Variants in ADNP2 observed in about 807,000 individuals in gnomAD.
ADNP2 encodes the protein ADNP homeobox 2.
ADNP2 carries 8 observed loss-of-function variants against 16.4 expected under a neutral mutation model. The ratio of observed to expected loss-of-function variants is 0.49; its 90% CI spans 0.29 to 0.88. The LOEUF (loss-of-function observed/expected upper bound fraction) is 0.88, where lower values mean the gene tolerates loss of function less well. ADNP2 is among the 40% of genes least tolerant of loss of function. ADNP2 has a pLI of 0.09. For missense variants in ADNP2, 1,397 were observed against 1,395.1 expected (o/e 1.00, Z -0.02); for synonymous variants, 637 against 545.8 (o/e 1.17, Z -2.33).
Position 80,139,918 on chromosome 18 carries a change from A to G in ADNP2, c.*1109A>G, listed in dbSNP as rs2145221763. The G allele has an allele frequency of 6.6e-6, 1 of 152,290 alleles. No individual in the cohort carries two copies. Among genetic ancestry groups the G allele is most frequent in the South Asian group, 2.1e-4 (1 of 4,820 alleles). The allele number at this position is 152,290 out of a possible 1,614,324, so 9.4% of individuals were successfully genotyped here. A position where few individuals can be genotyped will look rare whatever the true frequency, so the allele number is the denominator to read the frequency against. Reference sequence around the variant, plus strand: ...TAGGCTGGAAGCTGTGTCCGGGTCGATGGGATGGCATATTGTTAAAGAATC... The same window carrying G: ...TAGGCTGGAAGCTGTGTCCGGGTCGGTGGGATGGCATATTGTTAAAGAATC... On this transcript the variant is annotated 3_prime_UTR_variant, in exon 4 of 4. Transcript: ENST00000262198.
chr18:80,110,240 C>T (rs1000733305), intron 1 of ADNP2, among the ~76,000 whole-genome samples: 2 of 152,174 alleles, frequency 1.3e-5, no homozygotes, highest in Admixed American at 6.5e-5. Flanking sequence ...CTACAGTTGA[C>T]TTTGGAATGT....
At chr18:80,120,702 G>A (rs1290308569) in intron 2 of ADNP2, among the ~76,000 whole-genome samples, 1 of 151,958 alleles carries the variant, frequency 6.6e-6, no homozygotes, top group Non-Finnish European at 1.5e-5. Flanking sequence ...TCACCAGGCT[G>A]GAGTGCAGTG....
chr18:80,126,488 T>TA (rs952898363), intron 2 of ADNP2, among the ~76,000 whole-genome samples: 15 of 152,156 alleles, frequency 9.9e-5, no homozygotes, highest in African/African-American at 3.4e-4. Context: ...ACTTTCTCTC[T>TA]AAAAAAAAGT....
intron 2 of ADNP2, among the ~76,000 whole-genome samples, chr18:80,121,972 A>G (rs2052428200): frequency 6.6e-6 from 1 of 151,876 alleles, no homozygotes; most frequent in Admixed American, 6.6e-5. Flanking sequence ...GTTGGAGTGC[A>G]GTGACATGAT....
chr18:80,134,386 AGTGTGTGTGTGTGT>A (rs34515123), intron 3 of ADNP2, among the ~76,000 whole-genome samples: 4 of 146,222 alleles, frequency 2.7e-5, no homozygotes, highest in African/African-American at 7.6e-5. Context: ...AGAATGGAAG[AGTGTGTGTGTGTGT>A]GTGTGTGTGT....
intron 1 of ADNP2, 118 bp downstream of exon 1, chr18:80,109,590 C>G (rs2052343312): frequency 6.7e-6 from 1 of 148,790 alleles, no homozygotes; most frequent in Non-Finnish European, 1.5e-5. Flanking sequence ...AGCCCACACC[C>G]ACGCCCGCCG....
At chr18:80,132,368 T>C (rs1290654935) in intron 2 of ADNP2, among the ~76,000 whole-genome samples, 3 of 152,176 alleles carry the variant, frequency 2.0e-5, no homozygotes, top group Non-Finnish European at 4.4e-5. Flanking sequence ...GTCACTGTTC[T>C]CTAAACAAGG....
At position 80,135,134 on chromosome 18, in the gene ADNP2, G is replaced by C. The variant is rs888208545; in HGVS notation, c.199-478G>C. On this transcript the variant is annotated intron_variant, in intron 3 of 3. Coordinates refer to ENST00000262198, the MANE Select transcript of ADNP2 (RefSeq NM_014913.4). ...TACAGGACTAAGTAATTATATTTGT[G>C]GTTTTAGTGGATGACTTAGAACAGG... Among the ~76,000 whole-genome samples the C allele has an allele frequency of 9.2e-5, 14 of 152,274 alleles. No individual in the cohort carries two copies. The South Asian group carries it at 2.3e-3, about 25-fold the overall frequency.
chr18:80,129,671 T>G (rs916532021), intron 2 of ADNP2, among the ~76,000 whole-genome samples: 1 of 152,228 alleles, frequency 6.6e-6, no homozygotes, highest in African/African-American at 2.4e-5. Flanking sequence ...AGAATATATA[T>G]GATGTTCTAT....
Position 80,137,436 on chromosome 18 carries a change from C to G in ADNP2, c.2023C>G (p.Gln675Glu), listed in dbSNP as rs1568416470. ...GAATGCTGCTCAGAGCGTGTTTGTT[C>G]AGGCCTCCTCCTCTGCAGCAGACAC... ...LVNAAQSVFV[Q>E]ASSSAADTNQ... Residue 675 changes from glutamine to glutamate, a missense_variant, in exon 4 of 4, where the codon CAG (glutamine) becomes GAG (glutamate). Gln to Glu is a conservative substitution (Grantham distance 29). Coordinates refer to ENST00000262198, the MANE Select transcript of ADNP2 (RefSeq NM_014913.4). This position sits in a 1 kb window ranked among gnomAD's most constrained non-coding sequence, Gnocchi z 4.2. 1 of 1,614,186 alleles carries G rather than the reference C, an allele frequency of 6.2e-7. No homozygotes were observed. The highest frequency in any genetic ancestry group is 2.2e-5 in the East Asian group (1 of 44,876).
chr18:80,117,644 A>C lies in ADNP2; in HGVS notation c.102A>C (p.Leu34Phe), dbSNP rs759547326. The change falls in exon 2 of 4, where the codon TTA becomes TTC. Residue 34 changes from leucine to phenylalanine, a missense_variant. Around this residue, in one of 3 missense-constraint regions of ADNP2, gnomAD observed 777 missense variants for 719.4 expected, o/e 1.08. Coordinates refer to ENST00000262198, the MANE Select transcript of ADNP2 (RefSeq NM_014913.4). ...TTGGGCTTGACAGCTGCAAGGAGTT[A>C]CTGAAGGTAAGAGGACGTAAGTAGC... ...VDIGLDSCKE[L>F]LKDLKGFDPG... The C allele has an allele frequency of 3.7e-6, 6 of 1,601,360 alleles. No individual in the cohort carries two copies. The highest frequency in any genetic ancestry group is 5.1e-6 in the Non-Finnish European group (6 of 1,175,990).
intron 2 of ADNP2, among the ~76,000 whole-genome samples, chr18:80,132,514 TTCATTTCTCTTTTCCCC>T (rs1311711226): frequency 6.6e-6 from 1 of 152,200 alleles, no homozygotes; most frequent in African/African-American, 2.4e-5. Flanking sequence ...TGACTATACT[TTCATTTCTCTTTTCCCC>T]TGTAGATTTC....
chr18:80,133,053 C>A, intron 2 of ADNP2, 50 bp from the exon 3 acceptor site: 1 of 1,295,314 alleles, frequency 7.7e-7, no homozygotes, highest in Non-Finnish European at 1.1e-6. Context: ...TTAAATATTT[C>A]TTTATCTTCT....
Position 80,137,392 on chromosome 18 carries a change from C to A in ADNP2, c.1979C>A (p.Pro660His). ...APMAGSMPGM[P>H]SPPVLVNAAQ... ...ATGGCCGGTTCCATGCCCGGCATGC[C>A]CTCTCCTCCAGTGCTGGTGAATGCT... is the stretch of plus-strand genomic sequence containing the variant. The change falls in exon 4 of 4, where the codon CCC becomes CAC. Residue 660 changes from proline to histidine, a missense_variant. By Grantham distance (77) the Pro-to-His change is moderately conservative. Around this residue, in one of 3 missense-constraint regions of ADNP2, gnomAD observed 611 missense variants for 648.7 expected, o/e 0.94. Coordinates refer to ENST00000262198, the MANE Select transcript of ADNP2 (RefSeq NM_014913.4). The surrounding 1 kb of genome is among the most constrained non-coding windows in gnomAD (Gnocchi z 4.2). 6.2e-7 allele frequency: 1 copy of A among 1,614,178 alleles called. No homozygotes were observed. The highest frequency in any genetic ancestry group is 8.5e-7 in the Non-Finnish European group (1 of 1,180,048).
At chr18:80,129,111 T>TG (rs1000108639) in intron 2 of ADNP2, among the ~76,000 whole-genome samples, 8 of 141,412 alleles carry the variant, frequency 5.7e-5, no homozygotes, top group African/African-American at 1.3e-4. Flanking sequence ...TTTTGTTTTT[T>TG]TTTTTTTTTT....
chr18:80,129,972 G>C (rs1168643177), intron 2 of ADNP2, among the ~76,000 whole-genome samples: 3 of 152,214 alleles, frequency 2.0e-5, no homozygotes, highest in Non-Finnish European at 2.9e-5. Flanking sequence ...CTCTGGGAAA[G>C]GCAGGATAGT....
Position 80,117,657 on chromosome 18 carries a change from G to A in ADNP2, c.108+7G>A, listed in dbSNP as rs765155040. The A allele has an allele frequency of 3.1e-6, 5 of 1,591,640 alleles. No individual in the cohort carries two copies. The South Asian group carries it at 4.6e-5, about 15-fold the overall frequency. On this transcript the variant is annotated splice_region_variant and intron_variant, in intron 2 of 3. Transcript: ENST00000262198. ...CTGCAAGGAGTTACTGAAGGTAAGA[G>A]GACGTAAGTAGCCAACTGGAATCTG...
At chr18:80,113,205 A>G (rs950230488) in intron 1 of ADNP2, among the ~76,000 whole-genome samples, 1 of 152,232 alleles carries the variant, frequency 6.6e-6, no homozygotes, top group African/African-American at 2.4e-5. Context: ...TTAAAATTTT[A>G]TAAAGAAAAT....
At chr18:80,132,950 G>A (rs2052507697) in intron 2 of ADNP2, among the ~76,000 whole-genome samples, 153 bp from the exon 3 acceptor site, 1 of 152,054 alleles carries the variant, frequency 6.6e-6, no homozygotes, top group Non-Finnish European at 1.5e-5. Flanking sequence ...CGACCTCCTG[G>A]CCTCAAGTGA....
Sources: gnomAD v4.1 joint callset for allele counts (sites outside exome capture counted in the v4.1 genomes callset) on GRCh38, gnomAD v4.1.1 for gene constraint, gnomAD v4.1.1 regional missense constraint, Gnocchi (gnomAD v3.1) non-coding constraint, MANE v1.5 for transcripts, NCBI Gene and HGNC (gene_info 2026-07-23, HGNC 2026-07-21) for gene names.